Variants in RARB observed in about 807,000 individuals in gnomAD.
RARB encodes HBV-activated protein.
Under a neutral mutation model 51.9 loss-of-function variants are expected in RARB, and 17 were observed. The ratio of observed to expected loss-of-function variants is 0.33; its 90% confidence interval spans 0.22 to 0.49. The LOEUF (loss-of-function observed/expected upper bound fraction) is 0.49, where lower values mean the gene tolerates loss of function less well. RARB is among the 20% of genes least tolerant of loss of function. The probability of loss-of-function intolerance (pLI) is 0.99; values close to 1 mark genes in which losing one functional copy is unlikely to be tolerated. For missense variants in RARB, 369 were observed against 550.8 expected (o/e 0.67, Z 3.30); for synonymous variants, 215 against 195.4 (o/e 1.10, Z -0.84).
At chr3:24,925,363 C>T (rs1440684689) in intron 2 of RARB, among the ~76,000 whole-genome samples, 3 of 151,958 alleles carry the variant, frequency 2.0e-5, no homozygotes, top group Admixed American at 1.3e-4. Context: ...AAATCTCAGG[C>T]CTGGCATGGT....
At chr3:24,900,836 G>T (rs910614539) in intron 2 of RARB, among the ~76,000 whole-genome samples, 1 of 152,158 alleles carries the variant, frequency 6.6e-6, no homozygotes, top group Non-Finnish European at 1.5e-5. Context: ...TCAGGGAAAA[G>T]TTGGGTGATT....
intron 2 of RARB, among the ~76,000 whole-genome samples, chr3:24,888,196 A>G (rs955552318): frequency 6.6e-6 from 1 of 152,184 alleles, no homozygotes; most frequent in African/African-American, 2.4e-5. Flanking sequence ...TACATGGAAT[A>G]TCAAATTATT....
At chr3:25,494,251 A>ACACACACACGCGCGCGCGCGCG (rs1443411582) in intron 2 of RARB, among the ~76,000 whole-genome samples, 2 of 77,122 alleles carry the variant, frequency 2.6e-5, no homozygotes, top group East Asian at 5.0e-4. Context: ...GCTGTATCTT[A>ACACACACACGCGCGCGCGCGCG]CGCACACACA....
chr3:25,444,983 T>G (rs2125534411), intron 1 of RARB, among the ~76,000 whole-genome samples: 1 of 152,210 alleles, frequency 6.6e-6, no homozygotes, highest in East Asian at 1.9e-4. Flanking sequence ...AGAATCTTGC[T>G]CTGTCGCCCA....
At chr3:24,981,085 T>C (rs568152419) in intron 2 of RARB, among the ~76,000 whole-genome samples, 1 of 152,178 alleles carries the variant, frequency 6.6e-6, no homozygotes, top group Non-Finnish European at 1.5e-5. Flanking sequence ...TGCCTGGGTA[T>C]CACCAGCGGA....
At chr3:25,354,891 T>G (rs1705685690) in intron 5 of RARB, among the ~76,000 whole-genome samples, 1 of 152,018 alleles carries the variant, frequency 6.6e-6, no homozygotes, top group Admixed American at 6.6e-5. Context: ...TCTTTTTTTT[T>G]TTTTCTTTTC....
chr3:25,087,980 A>AG (rs1699131764), intron 3 of RARB, among the ~76,000 whole-genome samples: 1 of 151,984 alleles, frequency 6.6e-6, no homozygotes, highest in South Asian at 2.1e-4. Flanking sequence ...AAGTATAGGA[A>AG]CAAAATAGTA....
intron 3 of RARB, among the ~76,000 whole-genome samples, chr3:25,103,535 T>G (rs1699443507): frequency 6.6e-6 from 1 of 152,162 alleles, no homozygotes; most frequent in Non-Finnish European, 1.5e-5. Flanking sequence ...GCGTACTAAT[T>G]CAAGAACAGA....
intron 2 of RARB, among the ~76,000 whole-genome samples, chr3:24,877,406 A>G (rs564021463): frequency 7.5e-6 from 1 of 132,704 alleles, no homozygotes; most frequent in Admixed American, 9.3e-5. Context: ...GAAAGACTTA[A>G]GAATAGAAAG....
chr3:25,590,582 G>A (rs1189193693), intron 5 of RARB, among the ~76,000 whole-genome samples: 2 of 152,072 alleles, frequency 1.3e-5, no homozygotes, highest in African/African-American at 2.4e-5. Flanking sequence ...GTGCAGTGGC[G>A]TGATCCCAGC....
At chr3:24,865,756 A>C (rs1435303724) in intron 2 of RARB, among the ~76,000 whole-genome samples, 1 of 152,212 alleles carries the variant, frequency 6.6e-6, no homozygotes, top group African/African-American at 2.4e-5. Flanking sequence ...AATTGATGTG[A>C]CACATCACTG....
At chr3:25,492,875 A>C (rs1696812534) in intron 2 of RARB, among the ~76,000 whole-genome samples, 1 of 152,190 alleles carries the variant, frequency 6.6e-6, no homozygotes, top group African/African-American at 2.4e-5. Flanking sequence ...ATACCCTCCA[A>C]GTTAGCAGGC....
At chr3:25,123,946 T>C (rs990534714) in intron 3 of RARB, among the ~76,000 whole-genome samples, 6 of 152,206 alleles carry the variant, frequency 3.9e-5, no homozygotes, top group African/African-American at 1.4e-4. Flanking sequence ...ATCTCAGTCC[T>C]GAACCAGTCT....
intron 3 of RARB, among the ~76,000 whole-genome samples, chr3:25,081,344 CT>C (rs557133351): frequency 5.3e-5 from 8 of 151,494 alleles, no homozygotes; most frequent in Non-Finnish European, 8.8e-5. Flanking sequence ...TACAGTGTAT[CT>C]CATGGTGAAT....
chr3:24,854,512 C>A (rs1367058158), intron 1 of RARB, among the ~76,000 whole-genome samples: 1 of 152,156 alleles, frequency 6.6e-6, no homozygotes, highest in Non-Finnish European at 1.5e-5. Context: ...AATAGCATTT[C>A]CTTCACCTGG....
chr3:25,023,053 G>T (rs1341681163), intron 2 of RARB, among the ~76,000 whole-genome samples: 1 of 152,170 alleles, frequency 6.6e-6, no homozygotes, highest in Admixed American at 6.5e-5. Flanking sequence ...TGGGTAGAGG[G>T]AGGGAGATAT....
chr3:25,333,314 G>T (rs1301001463), intron 5 of RARB, among the ~76,000 whole-genome samples: 1 of 152,130 alleles, frequency 6.6e-6, no homozygotes, highest in Non-Finnish European at 1.5e-5. Flanking sequence ...GCATGGTACT[G>T]GTACCAAAAC....
At chr3:25,437,849 G>T (rs768011651) in intron 1 of RARB, among the ~76,000 whole-genome samples, 1 of 152,160 alleles carries the variant, frequency 6.6e-6, no homozygotes, top group African/African-American at 2.4e-5. Flanking sequence ...TTTCTGGAGC[G>T]TGTTAAGTAA....
chr3:25,319,706 T>C (rs1694629698), intron 5 of RARB, among the ~76,000 whole-genome samples: 1 of 152,194 alleles, frequency 6.6e-6, no homozygotes, highest in Admixed American at 6.5e-5. Context: ...CAGATCTTGA[T>C]GAGAAAGTGA....
Sources: gnomAD v4.1 joint callset for allele counts (sites outside exome capture counted in the v4.1 genomes callset) on GRCh38, gnomAD v4.1.1 for gene constraint, MANE v1.5 for transcripts, NCBI Gene and HGNC (gene_info 2026-07-23, HGNC 2026-07-21) for gene names.